Variants in SEMA3D observed in about 807,000 individuals in gnomAD.
SEMA3D encodes the protein semaphorin-3D.
A neutral mutation model predicts 100.1 loss-of-function variants in SEMA3D; 84 were observed. The observed-to-expected ratio is 0.84, with a 90% CI of 0.70 to 1.01. The LOEUF (loss-of-function observed/expected upper bound fraction) is 1.01, where lower values mean the gene tolerates loss of function less well. Among genes scored for constraint, SEMA3D ranks in the 50% least tolerant of loss-of-function variants. The probability of loss-of-function intolerance (pLI) is 0.00; values close to 1 mark genes in which losing one functional copy is unlikely to be tolerated. For missense variants in SEMA3D, 875 were observed against 934.1 expected (o/e 0.94, Z 0.82); for synonymous variants, 312 against 320.7 (o/e 0.97, Z 0.29).
At chr7:85,111,359 T>G (rs1321326282) in intron 3 of SEMA3D, among the ~76,000 whole-genome samples, 1 of 152,032 alleles carries the variant, frequency 6.6e-6, no homozygotes, top group Non-Finnish European at 1.5e-5. Flanking sequence ...ATATGTCCAC[T>G]TGATCTTCCC....
intron 5 of SEMA3D, among the ~76,000 whole-genome samples, chr7:85,075,270 A>C (rs1791890714): frequency 6.6e-6 from 1 of 152,134 alleles, no homozygotes; most frequent in African/African-American, 2.4e-5. Flanking sequence ...TTCTGAAATA[A>C]ATATTTGGAT....
chr7:85,066,037 C>G (rs186528093), intron 7 of SEMA3D, among the ~76,000 whole-genome samples: 305 of 152,306 alleles, frequency 2.0e-3, no homozygotes, highest in Non-Finnish European at 3.3e-3. Flanking sequence ...GCTTTCAGCA[C>G]TGAAGTCATT....
At chr7:85,049,248 T>C (rs1036829756) in intron 9 of SEMA3D, among the ~76,000 whole-genome samples, 1 of 151,836 alleles carries the variant, frequency 6.6e-6, no homozygotes, top group Non-Finnish European at 1.5e-5. Flanking sequence ...TATAGAGGCT[T>C]TCAAGGCAAT....
intron 3 of SEMA3D, among the ~76,000 whole-genome samples, chr7:85,115,232 A>G (rs1789204084): frequency 6.6e-6 from 1 of 152,186 alleles, no homozygotes; most frequent in Non-Finnish European, 1.5e-5. Context: ...CTGTAAGTAG[A>G]CTGGGGTTGA....
the SEMA3D span, among the ~76,000 whole-genome samples, chr7:85,202,091 G>T: frequency 1.3e-5 from 2 of 150,622 alleles, no homozygotes; most frequent in East Asian, 3.9e-4. Context: ...AAGTTTTAGG[G>T]TACATGTGCA....
intron 4 of SEMA3D, among the ~76,000 whole-genome samples, chr7:85,084,261 A>G (rs1382057213): frequency 6.6e-6 from 1 of 152,148 alleles, no homozygotes; most frequent in Admixed American, 6.5e-5. Context: ...CAATTTTATT[A>G]TTATTTTTAA....
At chr7:85,130,729 G>A (rs1289096318) in intron 2 of SEMA3D, among the ~76,000 whole-genome samples, 1 of 152,086 alleles carries the variant, frequency 6.6e-6, no homozygotes, top group Non-Finnish European at 1.5e-5. Context: ...GATATCATAA[G>A]TTCCATTATT....
At chr7:85,093,250 T>C (rs1788451043) in intron 4 of SEMA3D, among the ~76,000 whole-genome samples, 1 of 152,092 alleles carries the variant, frequency 6.6e-6, no homozygotes, top group South Asian at 2.1e-4. Context: ...TTGAGGTGAC[T>C]GATATCAGCA....
At chr7:85,028,565 T>C (rs1392805220) in intron 12 of SEMA3D, 1 of 298,032 alleles carries the variant, frequency 3.4e-6, no homozygotes, top group East Asian at 9.6e-5. Context: ...TACTGGTGAG[T>C]TATAGTGCAC....
chr7:85,012,661 T>C (rs1789987808), intron 17 of SEMA3D, 121 bp downstream of exon 17: 9 of 680,756 alleles, frequency 1.3e-5, no homozygotes, highest in East Asian at 2.8e-5. Flanking sequence ...CCAGAACACA[T>C]GCATTACACA....
chr7:85,147,739 T>A lies in SEMA3D; in HGVS notation c.-41+5869A>T, dbSNP rs59551348. Among the ~76,000 whole-genome samples, 351 of 152,184 alleles carry A rather than the reference T, an allele frequency of 2.3e-3. 2 individuals carry two copies. Among genetic ancestry groups the A allele is most frequent in the African/African-American group, 7.9e-3 (327 of 41,526 alleles). ...TCATTGATATTGTTTCACTTACCTA[T>A]ATATCTGCTAATTTATTGTTTTCTG... is the stretch of plus-strand genomic sequence containing the variant. On this transcript the variant is annotated intron_variant, in intron 2 of 18. Coordinates refer to ENST00000284136, the MANE Select transcript of SEMA3D (RefSeq NM_001384900.1).
chr7:85,063,631 C>T (rs1386588386), intron 8 of SEMA3D, among the ~76,000 whole-genome samples: 1 of 152,144 alleles, frequency 6.6e-6, no homozygotes, highest in South Asian at 2.1e-4. Flanking sequence ...ACTTTTGTTG[C>T]TGTCCCTTTC....
upstream of SEMA3D, among the ~76,000 whole-genome samples, chr7:85,188,296 C>T (rs1483802183): frequency 2.6e-5 from 4 of 152,222 alleles, no homozygotes; most frequent in Non-Finnish European, 5.9e-5. Flanking sequence ...TCTTGTGTCT[C>T]ATGCTGCCCC....
intron 1 of SEMA3D, among the ~76,000 whole-genome samples, chr7:85,154,337 A>G (rs1200136773): frequency 1.3e-5 from 2 of 152,180 alleles, no homozygotes; most frequent in Non-Finnish European, 2.9e-5. Context: ...TTACCTTTCA[A>G]TAGAAATCTT....
intron 2 of SEMA3D, among the ~76,000 whole-genome samples, chr7:85,149,011 A>T (rs1790291056): frequency 6.6e-6 from 1 of 152,200 alleles, no homozygotes; most frequent in African/African-American, 2.4e-5. Flanking sequence ...AAAATAAATG[A>T]ACAGGAAACA....
chr7:85,216,391 A>G, the SEMA3D span, among the ~76,000 whole-genome samples: 7 of 138,068 alleles, frequency 5.1e-5, no homozygotes, highest in Non-Finnish European at 7.9e-5. Context: ...GTGTGTGTGA[A>G]AAAATCATTG....
rs80016515 is a variant in SEMA3D, at chr7:85,102,698, A to T, written c.152-4733T>A. On this transcript the variant is annotated intron_variant, in intron 3 of 18. Transcript: ENST00000284136. ...AATGGGGAAAGGTGGGGTCAGGAAG[A>T]CTATCCAGAGGTTCTGAAACATGGT... 8.7e-3 allele frequency among the ~76,000 whole-genome samples: 1,321 copies of T among 152,168 alleles called. 21 individuals carry two copies. The highest frequency in any genetic ancestry group is 0.03 in the African/African-American group (1,255 of 41,548).
chr7:85,157,714 G>A (rs1790638365), intron 1 of SEMA3D: 4 of 834,178 alleles, frequency 4.8e-6, no homozygotes, highest in Admixed American at 6.2e-5. Context: ...CTGGGCAGAG[G>A]TGTAGCTCTT....
chr7:85,230,233 A>T, the SEMA3D span, among the ~76,000 whole-genome samples: 1 of 152,164 alleles, frequency 6.6e-6, no homozygotes, highest in Non-Finnish European at 1.5e-5. Flanking sequence ...AGCTTTTTAG[A>T]GGCTTTCCAG....
Sources: allele counts gnomAD v4.1 joint callset (sites outside exome capture counted in the v4.1 genomes callset), GRCh38; gene constraint gnomAD v4.1.1; transcripts MANE v1.5; gene names NCBI Gene and HGNC (gene_info 2026-07-23, HGNC 2026-07-21).